BBOF1: variants seen among roughly 807,000 people sequenced by gnomAD.
BBOF1 encodes basal body-orientation factor 1.
BBOF1 carries 62 observed loss-of-function variants against 68.0 expected under a neutral mutation model. The ratio of observed to expected loss-of-function variants is 0.91; its 90% CI spans 0.74 to 1.13. BBOF1 has a LOEUF of 1.13. Among genes scored for constraint, BBOF1 ranks in the 50% most tolerant of loss-of-function variants. The pLI, the probability that BBOF1 is intolerant of heterozygous loss-of-function variation, is 0.00. For synonymous variants in BBOF1, 208 were observed against 198.8 expected (o/e 1.05, Z -0.39); for missense variants, 534 against 600.1 (o/e 0.89, Z 1.15).
chr14:74,020,848 G>A (rs772747415), intron 1 of BBOF1, among the ~76,000 whole-genome samples: 7 of 152,108 alleles, frequency 4.6e-5, no homozygotes, highest in Non-Finnish European at 7.4e-5. Context: ...CTGGATGGTC[G>A]TAGTGAGACA....
At chr14:74,054,203 C>T (rs189466599) in intron 8 of BBOF1, among the ~76,000 whole-genome samples, 7 of 151,604 alleles carry the variant, frequency 4.6e-5, no homozygotes, top group South Asian at 4.2e-4. Context: ...GTAGAGACAG[C>T]GTTTCACCAT....
downstream of BBOF1, chr14:74,069,030 C>G: frequency 6.3e-7 from 1 of 1,581,114 alleles, no homozygotes; most frequent in African/African-American, 1.4e-5. Context: ...AATGGATTCT[C>G]AACATGGCAA....
At chr14:74,019,978 A>C (rs1234089477) in intron 1 of BBOF1, among the ~76,000 whole-genome samples, 4 of 152,234 alleles carry the variant, frequency 2.6e-5, no homozygotes, top group Non-Finnish European at 5.9e-5. Flanking sequence ...TCCAGCAACA[A>C]CACCATATAT....
At chr14:74,041,108 A>G (rs2139515845) in intron 5 of BBOF1, among the ~76,000 whole-genome samples, 1 of 152,314 alleles carries the variant, frequency 6.6e-6, no homozygotes, top group Non-Finnish European at 1.5e-5. Context: ...GTCTCAGGTC[A>G]GGAGTTCGAG....
chr14:74,069,316 C>T, downstream of BBOF1: 1 of 339,072 alleles, frequency 2.9e-6, no homozygotes, highest in Non-Finnish European at 5.7e-6. Context: ...CTTGGCCAGG[C>T]TGGTCTTGAA....
At chr14:74,051,867 C>A (rs2060074231) in intron 8 of BBOF1, among the ~76,000 whole-genome samples, 1 of 151,692 alleles carries the variant, frequency 6.6e-6, no homozygotes, top group African/African-American at 2.4e-5. Context: ...CAGGCACGAG[C>A]CACCATGCCC....
chr14:74,063,865 C>CA (rs71115948), intron 11 of BBOF1, among the ~76,000 whole-genome samples: 232 of 124,114 alleles, frequency 1.9e-3, no homozygotes, highest in African/African-American at 1.6e-3. Flanking sequence ...GACTCTGTCT[C>CA]AAAAAAAAAA....
At chr14:74,072,621 A>C in intron 9 of BBOF1, 3 of 1,540,984 alleles carry the variant, frequency 1.9e-6, no homozygotes, top group East Asian at 4.6e-5. Flanking sequence ...GCTGAAAAAA[A>C]CAAACAAACA....
At chr14:74,021,991 A>C (rs888110677) in intron 1 of BBOF1, among the ~76,000 whole-genome samples, 1 of 152,124 alleles carries the variant, frequency 6.6e-6, no homozygotes, top group Non-Finnish European at 1.5e-5. Context: ...GGGTATCATC[A>C]TGCAGAAACT....
At chr14:74,023,321 G>A (rs948118037) in intron 2 of BBOF1, among the ~76,000 whole-genome samples, 177 bp downstream of exon 2, 2 of 151,984 alleles carry the variant, frequency 1.3e-5, no homozygotes, top group East Asian at 1.9e-4. Context: ...TACTGTTATC[G>A]GCTCTCTTTT....
In BBOF1 at chr14:74,049,992, A is replaced by T. The variant is rs1328497857; in HGVS notation, c.1083A>T (p.Arg361Ser). The change falls in exon 8 of 12, where the codon AGA becomes AGT. Residue 361 changes from arginine (R) to serine (S), a missense_variant. Transcript: ENST00000394009. The part of the protein sequence containing the change: ...NILDERTEVE[R>S]FFLDALHQVK... ...TGGATGAGAGAACAGAAGTGGAAAG[A>T]TTCTTTTTAGATGCTCTGCACCAAG... The T allele has an allele frequency of 6.2e-7, 1 of 1,614,054 alleles. No individual in the cohort carries two copies. Among genetic ancestry groups the T allele is most frequent in the Non-Finnish European group, 8.5e-7 (1 of 1,180,044 alleles).
chr14:74,028,930 T>G (rs1421088957), intron 2 of BBOF1, among the ~76,000 whole-genome samples: 1 of 138,406 alleles, frequency 7.2e-6, no homozygotes, highest in Non-Finnish European at 1.6e-5. Context: ...CTGGTATTAA[T>G]GTTGCTTTTA....
At chr14:74,023,812 A>G (rs1166394234) in intron 2 of BBOF1, among the ~76,000 whole-genome samples, 1 of 151,470 alleles carries the variant, frequency 6.6e-6, no homozygotes, top group East Asian at 2.0e-4. Context: ...GCTACTCGGG[A>G]GGCTGAGGCA....
chr14:74,057,993 C>T (rs1177239721), intron 11 of BBOF1: 1 of 791,758 alleles, frequency 1.3e-6, no homozygotes, highest in East Asian at 1.2e-4. Context: ...CAATAATGAC[C>T]TTTTATTTAA....
intron 1 of BBOF1, among the ~76,000 whole-genome samples, chr14:74,020,116 C>G (rs1415698812): frequency 6.6e-6 from 1 of 152,218 alleles, no homozygotes; most frequent in Admixed American, 6.5e-5. Context: ...CACCTGTAGT[C>G]TCATTATCCA....
intron 3 of BBOF1, 98 bp downstream of exon 3, chr14:74,029,347 C>A: frequency 1.4e-6 from 1 of 728,422 alleles, no homozygotes. Context: ...TGAGTAAGTT[C>A]TCTGGGCAGG....
At chr14:74,046,435 T>C (rs1258721752) in intron 6 of BBOF1, among the ~76,000 whole-genome samples, 1 of 152,130 alleles carries the variant, frequency 6.6e-6, no homozygotes, top group Non-Finnish European at 1.5e-5. Context: ...TGCAGCGGCA[T>C]GAGCTTGGCT....
chr14:74,063,035 C>G (rs2060380921), intron 11 of BBOF1, among the ~76,000 whole-genome samples: 1 of 152,194 alleles, frequency 6.6e-6, no homozygotes, highest in African/African-American at 2.4e-5. Context: ...CCCTACATGA[C>G]TCAACCCCTG....
intron 3 of BBOF1, among the ~76,000 whole-genome samples, chr14:74,030,530 C>G (rs1042877685): frequency 4.6e-5 from 7 of 151,618 alleles, no homozygotes; most frequent in African/African-American, 1.7e-4. Flanking sequence ...GAGTCTCGCT[C>G]TGTCGCCCAG....
Sources: allele counts gnomAD v4.1 joint callset (sites outside exome capture counted in the v4.1 genomes callset), GRCh38; gene constraint gnomAD v4.1.1; transcripts MANE v1.5; gene names NCBI Gene and HGNC (gene_info 2026-07-23, HGNC 2026-07-21).